PRIM2: variants seen among roughly 807,000 people sequenced by gnomAD.
PRIM2 encodes DNA primase subunit 2, also known as DNA primase large subunit.
PRIM2 carries 39 observed loss-of-function variants against 67.3 expected under a neutral mutation model. That is an observed-to-expected ratio of 0.58 (90% CI 0.45 to 0.76). The LOEUF (loss-of-function observed/expected upper bound fraction) is 0.76. Ranked by LOEUF, PRIM2 falls within the 30% of genes least tolerant of loss-of-function variation. PRIM2 has a pLI of 0.00. For missense variants in PRIM2, 398 were observed against 598.7 expected (o/e 0.66, Z 3.50); for synonymous variants, 143 against 198.7 (o/e 0.72, Z 2.36).
chr6:57,542,139 G>A (rs1191117391), intron 10 of PRIM2, among the ~76,000 whole-genome samples: 6 of 152,054 alleles, frequency 3.9e-5, no homozygotes, highest in African/African-American at 1.2e-4. Context: ...ACCATGCTCA[G>A]CTAATTTTGT....
intron 7 of PRIM2, among the ~76,000 whole-genome samples, chr6:57,454,385 T>A (rs1407043682): frequency 2.0e-5 from 3 of 152,234 alleles, no homozygotes; most frequent in Non-Finnish European, 4.4e-5. Context: ...CTTGTACCTC[T>A]GGTAGAATTC....
chr6:57,471,455 G>A (rs1773335644), intron 7 of PRIM2, among the ~76,000 whole-genome samples: 1 of 152,144 alleles, frequency 6.6e-6, no homozygotes. Context: ...TAATAAAAGA[G>A]CAGTTAAAGG....
chr6:57,267,614 A>T, the PRIM2 span, among the ~76,000 whole-genome samples: 1 of 151,806 alleles, frequency 6.6e-6, no homozygotes, highest in East Asian at 2.0e-4. Flanking sequence ...AAAGCAGAAT[A>T]AATAAGAATG....
At chr6:57,575,298 A>G (rs1168790864) in intron 10 of PRIM2, among the ~76,000 whole-genome samples, 59,555 of 152,138 alleles carry the variant, frequency 0.39, 11,913 homozygotes, top group East Asian at 0.65. Flanking sequence ...ATCACACTAA[A>G]TGGTGATTTT....
intron 10 of PRIM2, among the ~76,000 whole-genome samples, chr6:57,561,998 G>A (rs1775641981): frequency 6.6e-6 from 1 of 152,082 alleles, no homozygotes; most frequent in African/African-American, 2.4e-5. Context: ...GTTTCTGGGA[G>A]TAGAGAGGCC....
At chr6:57,500,090 T>C (rs1554346720) in intron 7 of PRIM2, among the ~76,000 whole-genome samples, 79,171 of 151,980 alleles carry the variant, frequency 0.52, 21,957 homozygotes, top group African/African-American at 0.71. Flanking sequence ...TGTCTACCTA[T>C]CTGCATGTCC....
the PRIM2 span, among the ~76,000 whole-genome samples, chr6:57,256,643 C>G: frequency 2.0e-5 from 3 of 148,038 alleles, no homozygotes; most frequent in Admixed American, 6.8e-5. Flanking sequence ...CACACACACA[C>G]ACACACACAC....
At chr6:57,613,851 TTAAC>T (rs1255067765) in intron 12 of PRIM2, among the ~76,000 whole-genome samples, 73 of 152,284 alleles carry the variant, frequency 4.8e-4, no homozygotes, top group African/African-American at 1.7e-3. Flanking sequence ...TTATTTTTAA[TTAAC>T]TAATTAATTT....
At chr6:57,367,946 T>C (rs1769419418) in intron 5 of PRIM2, among the ~76,000 whole-genome samples, 1 of 152,210 alleles carries the variant, frequency 6.6e-6, no homozygotes, top group Admixed American at 6.5e-5. Flanking sequence ...CAACGGAGGA[T>C]GTGTCAAAGA....
chr6:57,490,361 T>A (rs2127409673), intron 7 of PRIM2, among the ~76,000 whole-genome samples: 1 of 152,270 alleles, frequency 6.6e-6, no homozygotes, highest in East Asian at 1.9e-4. Flanking sequence ...GACTTGTGTT[T>A]TGGCCATTTT....
chr6:57,311,685 A>G (rs1389989266), upstream of PRIM2, among the ~76,000 whole-genome samples: 2 of 151,700 alleles, frequency 1.3e-5, no homozygotes, highest in Non-Finnish European at 2.9e-5. Flanking sequence ...GGCCGCTGGG[A>G]GGTGGAAGTT....
At position 57,482,890 on chromosome 6, in the gene PRIM2, G is replaced by C. The variant is rs1465703560; in HGVS notation, c.694-24497G>C. Among the ~76,000 whole-genome samples the C allele has an allele frequency of 8.5e-4, 130 of 152,284 alleles. 3 individuals are homozygous for C. The East Asian group carries it at 0.023, about 27-fold the overall frequency. ...AGGACCAGCATCAGATGGTCTCCTT[G>C]ATCCTCTTAGGAAAGTAGATTTTTT... On this transcript the variant is annotated intron_variant, in intron 7 of 13. Coordinates refer to ENST00000615550, the MANE Select transcript of PRIM2 (RefSeq NM_000947.5).
At chr6:57,446,410 C>T (rs72873588) in intron 7 of PRIM2, among the ~76,000 whole-genome samples, 1 of 60,268 alleles carries the variant, frequency 1.7e-5, no homozygotes, top group African/African-American at 7.5e-5. Flanking sequence ...GCCTGGCACA[C>T]GCCACTTCTT....
At position 57,603,441 on chromosome 6, in the gene PRIM2, C is replaced by A. The variant is rs1776506016; in HGVS notation, c.1147+2222C>A. ...TCCGACACATTTATTGAATAGGAGT[C>A]CTTTCTCCATTGCCTATATTTATTG... On this transcript the variant is annotated intron_variant, in intron 11 of 13. Coordinates refer to ENST00000615550, the MANE Select transcript of PRIM2 (RefSeq NM_000947.5). Among the ~76,000 whole-genome samples the A allele has an allele frequency of 4.0e-5, 6 of 151,850 alleles. 1 individual carries two copies. Among genetic ancestry groups the A allele is most frequent in the African/African-American group, 1.4e-4 (6 of 41,382 alleles).
intron 7 of PRIM2, among the ~76,000 whole-genome samples, chr6:57,489,063 A>AT (rs1773818478): frequency 6.6e-6 from 1 of 152,234 alleles, no homozygotes; most frequent in African/African-American, 2.4e-5. Context: ...GCACATCCTT[A>AT]TGTGGCTGTG....
intron 10 of PRIM2, among the ~76,000 whole-genome samples, chr6:57,569,760 T>C (rs1267604697): frequency 1.3e-5 from 2 of 152,098 alleles, no homozygotes; most frequent in Non-Finnish European, 2.9e-5. Context: ...TTTTCTTTTT[T>C]TTTTTGAGAT....
intron 11 of PRIM2, among the ~76,000 whole-genome samples, chr6:57,601,507 G>A (rs1223883890): frequency 6.6e-6 from 1 of 152,150 alleles, no homozygotes; most frequent in Non-Finnish European, 1.5e-5. Context: ...CTCATCTTCT[G>A]CAGTGTTCTG....
At chr6:57,396,529 G>A (rs1770520508) in intron 7 of PRIM2, among the ~76,000 whole-genome samples, 3 of 152,154 alleles carry the variant, frequency 2.0e-5, no homozygotes, top group Admixed American at 2.0e-4. Flanking sequence ...CTCACTTTAA[G>A]TTTATGTGAG....
chr6:57,564,703 G>C (rs1438320585), intron 10 of PRIM2, among the ~76,000 whole-genome samples: 1 of 152,086 alleles, frequency 6.6e-6, no homozygotes, highest in Non-Finnish European at 1.5e-5. Flanking sequence ...AAGGTAGATA[G>C]GGAAAATCAT....
Sources: gnomAD v4.1 joint callset for allele counts (sites outside exome capture counted in the v4.1 genomes callset) on GRCh38, gnomAD v4.1.1 for gene constraint, MANE v1.5 for transcripts, NCBI Gene and HGNC (gene_info 2026-07-23, HGNC 2026-07-21) for gene names.